Variants in CLVS1 observed in about 807,000 individuals in gnomAD.
The protein encoded by CLVS1 is clavesin-1.
In CLVS1, 10 loss-of-function variants were observed where a neutral mutation model predicts 33.1. The ratio of observed to expected loss-of-function variants is 0.30; its 90% CI spans 0.19 to 0.51. The LOEUF is 0.51. CLVS1 is among the 20% of genes least tolerant of loss of function. The pLI, the probability that CLVS1 is intolerant of heterozygous loss-of-function variation, is 0.97. For missense variants in CLVS1, 343 were observed against 433.4 expected, an observed-to-expected ratio of 0.79 and a Z score of 1.85; for synonymous variants, 163 against 166.1, an observed-to-expected ratio of 0.98 and a Z score of 0.14.
At chr8:61,109,191 C>T (rs954151036) in intron 1 of CLVS1, among the ~76,000 whole-genome samples, 1 of 152,094 alleles carries the variant, frequency 6.6e-6, no homozygotes, top group Non-Finnish European at 1.5e-5. Flanking sequence ...CTGCTTCTTC[C>T]AGTTACTTCT....
chr8:61,008,786 A>T, the CLVS1 span, among the ~76,000 whole-genome samples: 16 of 152,240 alleles, frequency 1.1e-4, no homozygotes, highest in African/African-American at 3.4e-4. Context: ...AGTTTGTGAA[A>T]GACTGGCTAT....
chr8:61,074,757 A>G (rs1272920028), intron 1 of CLVS1, among the ~76,000 whole-genome samples: 2 of 152,094 alleles, frequency 1.3e-5, no homozygotes, highest in Admixed American at 6.6e-5. Context: ...GGCAGTGTAG[A>G]CAATAATATT....
intron 2 of CLVS1, among the ~76,000 whole-genome samples, chr8:61,167,793 A>G (rs1357243032): frequency 6.6e-6 from 1 of 152,182 alleles, no homozygotes; most frequent in Non-Finnish European, 1.5e-5. Context: ...CAAGATGACC[A>G]TGAGAGTGAC....
At chr8:61,257,754 G>A (rs1054716736) in intron 2 of CLVS1, among the ~76,000 whole-genome samples, 4 of 152,148 alleles carry the variant, frequency 2.6e-5, no homozygotes, top group African/African-American at 9.7e-5. Flanking sequence ...TCATTGATAT[G>A]TTTATAAAGA....
Position 61,334,264 on chromosome 8 carries a change from G to A in CLVS1, c.455+33982G>A, listed in dbSNP as rs62524889. 6.1e-3 allele frequency among the ~76,000 whole-genome samples: 923 copies of A among 152,312 alleles called. 2 individuals carry two copies. Among genetic ancestry groups the A allele is most frequent in the Non-Finnish European group, 9.3e-3 (632 of 68,028 alleles). On this transcript the variant is annotated intron_variant, in intron 2 of 5. Transcript: ENST00000325897. ...CCTAAGTTCAGGGGCCAGGAGGAAGGAGACACTCTTAAACAAATTTGGTTA... is the reference window on the plus strand; with the variant it reads ...CCTAAGTTCAGGGGCCAGGAGGAAGAAGACACTCTTAAACAAATTTGGTTA...
the CLVS1 span, among the ~76,000 whole-genome samples, chr8:61,034,370 A>AT: frequency 3.1e-4 from 42 of 137,554 alleles, no homozygotes; most frequent in Non-Finnish European, 4.1e-4. Context: ...AATACTTATC[A>AT]TTTTTTTTTT....
chr8:61,043,464 C>CT, the CLVS1 span, among the ~76,000 whole-genome samples: 1 of 152,216 alleles, frequency 6.6e-6, no homozygotes, highest in African/African-American at 2.4e-5. Context: ...TGACAATGAA[C>CT]TATTACAAAC....
intron 2 of CLVS1, among the ~76,000 whole-genome samples, chr8:61,339,763 AAGAG>A (rs1037048354): frequency 1.7e-4 from 25 of 147,544 alleles, no homozygotes; most frequent in African/African-American, 6.0e-4. Context: ...GGGAGGGAGA[AAGAG>A]AGGGAAGGAA....
chr8:61,186,544 A>G (rs1290185716), intron 2 of CLVS1, among the ~76,000 whole-genome samples: 5 of 152,196 alleles, frequency 3.3e-5, no homozygotes, highest in African/African-American at 1.2e-4. Flanking sequence ...GGGCCAATCA[A>G]ACTGCCTTTC....
At chr8:61,328,478 G>A (rs531214209) in intron 2 of CLVS1, among the ~76,000 whole-genome samples, 2 of 152,198 alleles carry the variant, frequency 1.3e-5, no homozygotes, top group East Asian at 3.9e-4. Flanking sequence ...GGCTGCCCTA[G>A]CCCCTTAGCA....
the CLVS1 span, among the ~76,000 whole-genome samples, chr8:61,032,148 C>T: frequency 6.6e-6 from 1 of 152,152 alleles, no homozygotes; most frequent in African/African-American, 2.4e-5. Context: ...TGTAGCAGCA[C>T]CAACGATAAC....
At position 61,414,406 on chromosome 8, in the gene CLVS1, G is replaced by GTTT. The variant is rs5891802; in HGVS notation, c.630+37637_630+37639dup. On this transcript the variant is annotated intron_variant, in intron 3 of 5. Coordinates refer to ENST00000325897, the MANE Select transcript of CLVS1 (RefSeq NM_173519.3). ...GCTTCACTTGGAATTTACCGAAATT[G>GTTT]TTTTTTTTTTTTCATATTTTTCCAT... is the stretch of plus-strand genomic sequence containing the variant. Among the ~76,000 whole-genome samples the GTTT allele has an allele frequency of 9.2e-3, 1,342 of 145,578 alleles. 19 individuals carry two copies. Among genetic ancestry groups the GTTT allele is most frequent in the African/African-American group, 0.03 (1,187 of 39,800 alleles).
At chr8:61,113,021 G>C (rs1261420714) in intron 1 of CLVS1, among the ~76,000 whole-genome samples, 1 of 152,154 alleles carries the variant, frequency 6.6e-6, no homozygotes, top group East Asian at 1.9e-4. Flanking sequence ...CTGCTGTATT[G>C]CTATGGCATC....
At position 61,453,087 on chromosome 8, in the gene CLVS1, AT is replaced by A. The variant is rs11420974; in HGVS notation, c.631-1043del. Among the ~76,000 whole-genome samples, 717 of 148,460 alleles carry A rather than the reference AT, an allele frequency of 4.8e-3. 7 individuals carry two copies. The highest frequency in any genetic ancestry group is 0.02 in the South Asian group (92 of 4,704). On this transcript the variant is annotated intron_variant, in intron 3 of 5. Coordinates refer to ENST00000325897, the MANE Select transcript of CLVS1 (RefSeq NM_173519.3). ...TCGGCTTTCATCTCATCTTGCTAACATTTTTTTTTTTATTATACTTTAAGTT... is the reference window on the plus strand; with the variant it reads ...TCGGCTTTCATCTCATCTTGCTAACATTTTTTTTTTATTATACTTTAAGTT...
intron 1 of CLVS1, among the ~76,000 whole-genome samples, chr8:61,113,989 T>C (rs1805674609): frequency 1.3e-5 from 2 of 152,232 alleles, no homozygotes; most frequent in Admixed American, 1.3e-4. Flanking sequence ...GGCCAGGTAG[T>C]AAATACTTTA....
chr8:61,035,479 A>G, the CLVS1 span, among the ~76,000 whole-genome samples: 4 of 152,318 alleles, frequency 2.6e-5, no homozygotes, highest in Admixed American at 2.6e-4. Flanking sequence ...CCTAAAGAGT[A>G]GATGTGCAAT....
rs1187513126 is a variant in CLVS1 at position 61,288,072 on chromosome 8, C to T, written c.-218C>T. The stretch of plus-strand genomic sequence containing the variant: ...CTGCCAGAATAGGGGATCTCACCCA[C>T]CCAGTTCAGCAGCGAGGACACCTGC... On this transcript the variant is annotated 5_prime_UTR_variant, in exon 1 of 6. Coordinates refer to ENST00000325897, the MANE Select transcript of CLVS1 (RefSeq NM_173519.3). 2.2e-6 allele frequency: 1 copy of T among 455,908 alleles called. No homozygotes were observed. Among genetic ancestry groups the T allele is most frequent in the East Asian group, 6.9e-5 (1 of 14,406 alleles). The allele number at this position is 455,908 out of a possible 1,614,324, so 28.2% of individuals were successfully genotyped here.
rs542227241 is a variant in CLVS1, at chr8:61,072,921, C to T, written c.-243+15691C>T. 5.6e-4 allele frequency among the ~76,000 whole-genome samples: 85 copies of T among 152,304 alleles called. 1 individual carries two copies. The highest frequency in any genetic ancestry group is 1.9e-3 in the African/African-American group (80 of 41,562). ...GTTCCAAGTGAAATGATAAGGCTTT[C>T]CTCCATTGAAATCTATAATCTTTTT... is the stretch of plus-strand genomic sequence containing the variant. On this transcript the variant is annotated intron_variant, in intron 1 of 2. Coordinates refer to the CLVS1 transcript ENST00000522621.
At chr8:60,999,123 A>G in the CLVS1 span, among the ~76,000 whole-genome samples, 1 of 152,112 alleles carries the variant, frequency 6.6e-6, no homozygotes, top group South Asian at 2.1e-4. Flanking sequence ...TGAGATCCAA[A>G]TCTCACTCTA....
Sources: allele counts gnomAD v4.1 joint callset (sites outside exome capture counted in the v4.1 genomes callset), GRCh38; gene constraint gnomAD v4.1.1; transcripts MANE v1.5; gene names NCBI Gene and HGNC (gene_info 2026-07-23, HGNC 2026-07-21).